LINGO2: variants seen among roughly 807,000 people sequenced by gnomAD.
The protein encoded by LINGO2 is leucine-rich repeat and immunoglobulin-like domain-containing nogo receptor-interacting protein 2.
In LINGO2, 14 loss-of-function variants were observed where a neutral mutation model predicts 30.6. The ratio of observed to expected loss-of-function variants is 0.46; its 90% CI spans 0.30 to 0.72. The LOEUF is 0.72. Among genes scored for constraint, LINGO2 ranks in the 30% least tolerant of loss-of-function variants. The pLI, the probability that LINGO2 is intolerant of heterozygous loss-of-function variation, is 0.07. For missense variants in LINGO2, 729 were observed against 751.7 expected (o/e 0.97, Z 0.35); for synonymous variants, 317 against 288.5 (o/e 1.10, Z -1.00).
intron 4 of LINGO2, among the ~76,000 whole-genome samples, chr9:28,218,276 T>C (rs1283159298): frequency 2.1e-5 from 1 of 47,036 alleles, no homozygotes; most frequent in African/African-American, 5.5e-5. Context: ...AATCTTGAAT[T>C]TCTAATTTTT....
the LINGO2 span, among the ~76,000 whole-genome samples, chr9:29,127,905 A>G: frequency 2.6e-5 from 4 of 152,168 alleles, no homozygotes; most frequent in African/African-American, 9.7e-5. Flanking sequence ...AGAGTTAACC[A>G]TAATGGCAGA....
intron 1 of LINGO2, among the ~76,000 whole-genome samples, chr9:28,525,693 GA>G (rs1369021522): frequency 6.6e-6 from 1 of 152,126 alleles, no homozygotes; most frequent in Non-Finnish European, 1.5e-5. Context: ...GACTTATTTT[GA>G]GATGGTGACA....
chr9:28,588,802 C>G (rs993278637), intron 1 of LINGO2, among the ~76,000 whole-genome samples: 1 of 152,024 alleles, frequency 6.6e-6, no homozygotes, highest in South Asian at 2.1e-4. Flanking sequence ...ACTAGTCAGG[C>G]CATGCAGCAT....
rs149309912 is a variant in LINGO2, at chr9:28,030,282, A to G, written c.-86-17877T>C. Among the ~76,000 whole-genome samples the G allele has an allele frequency of 1.8e-3, 281 of 152,344 alleles. 2 individuals are homozygous for G. The highest frequency in any genetic ancestry group is 0.014 in the Middle Eastern group (4 of 294). ...GTGAGGCCATTTCTGAGATTCTGAG[A>G]TAGCAAAGTATAAAACCAACTGTAT... On this transcript the variant is annotated intron_variant, in intron 4 of 5. Coordinates refer to ENST00000379992, the Ensembl canonical transcript of LINGO2.
Position 28,598,436 on chromosome 9 carries a change from A to AAC in LINGO2, c.-365+71763_-365+71764insGT, listed in dbSNP as rs1554643698. ...TCCATATCAAAAAAAAAAAAAAAAC[A>AAC]AAACAAACAAACAAACAAAAAAAAC... On this transcript the variant is annotated intron_variant, in intron 1 of 5. Transcript: ENST00000379992. Among the ~76,000 whole-genome samples, 239 of 127,996 alleles carry AAC rather than the reference A, an allele frequency of 1.9e-3. 2 individuals carry two copies. Among genetic ancestry groups the AAC allele is most frequent in the African/African-American group, 6.6e-3 (223 of 33,666 alleles). The allele number at this position is 127,996 out of a possible 152,430, so 84.0% of individuals were successfully genotyped here.
At chr9:28,272,995 C>T (rs1822994499) in intron 4 of LINGO2, among the ~76,000 whole-genome samples, 1 of 152,174 alleles carries the variant, frequency 6.6e-6, no homozygotes, top group African/African-American at 2.4e-5. Flanking sequence ...CATTTTGAGT[C>T]ACTTAAATTA....
chr9:28,200,009 A>T (rs1347802331), intron 4 of LINGO2, among the ~76,000 whole-genome samples: 1 of 151,852 alleles, frequency 6.6e-6, no homozygotes, highest in Non-Finnish European at 1.5e-5. Flanking sequence ...AAAAAAAAAA[A>T]AAAAAAGACT....
intron 4 of LINGO2, among the ~76,000 whole-genome samples, chr9:28,096,022 TC>T (rs1826233585): frequency 6.6e-6 from 1 of 152,094 alleles, no homozygotes; most frequent in African/African-American, 2.4e-5. Flanking sequence ...ACACCTATAG[TC>T]CCAGCTACCC....
At chr9:28,131,951 G>T (rs1029866312) in intron 4 of LINGO2, among the ~76,000 whole-genome samples, 3 of 152,116 alleles carry the variant, frequency 2.0e-5, no homozygotes, top group Admixed American at 2.0e-4. Context: ...ACATAGATTT[G>T]GGGGATCAAG....
intron 1 of LINGO2, among the ~76,000 whole-genome samples, chr9:28,539,148 T>A (rs1821568195): frequency 6.6e-6 from 1 of 152,094 alleles, no homozygotes; most frequent in South Asian, 2.1e-4. Flanking sequence ...ATATATTTGA[T>A]AATACTAATG....
At chr9:29,182,613 C>T in the LINGO2 span, among the ~76,000 whole-genome samples, 1 of 151,948 alleles carries the variant, frequency 6.6e-6, no homozygotes, top group Non-Finnish European at 1.5e-5. Context: ...CAAAGGTGGG[C>T]CAACAGATTA....
At chr9:29,002,235 T>A in the LINGO2 span, among the ~76,000 whole-genome samples, 1 of 152,078 alleles carries the variant, frequency 6.6e-6, no homozygotes, top group Non-Finnish European at 1.5e-5. Context: ...TAGTGTCTTT[T>A]AATTTTCTCT....
At chr9:28,636,787 T>A (rs1827299221) in intron 1 of LINGO2, among the ~76,000 whole-genome samples, 1 of 152,168 alleles carries the variant, frequency 6.6e-6, no homozygotes, top group African/African-American at 2.4e-5. Flanking sequence ...TTCACTCTGA[T>A]GTTAGTTTCT....
intron 4 of LINGO2, among the ~76,000 whole-genome samples, chr9:28,068,802 A>G (rs1396020882): frequency 2.0e-5 from 3 of 152,106 alleles, no homozygotes; most frequent in Non-Finnish European, 4.4e-5. Flanking sequence ...CAAATCCAAT[A>G]CTCCATATAC....
chr9:29,020,606 A>T, the LINGO2 span, among the ~76,000 whole-genome samples: 1 of 152,176 alleles, frequency 6.6e-6, no homozygotes, highest in Non-Finnish European at 1.5e-5. Context: ...TGGAAGCAGC[A>T]TTTACCATTA....
At chr9:28,179,657 A>G (rs1037728797) in intron 4 of LINGO2, among the ~76,000 whole-genome samples, 18 of 144,520 alleles carry the variant, frequency 1.2e-4, no homozygotes, top group Non-Finnish European at 1.8e-4. Flanking sequence ...TAGTGTATAT[A>G]TACTATATAT....
At chr9:28,169,013 AG>A (rs1386726289) in intron 4 of LINGO2, among the ~76,000 whole-genome samples, 1 of 152,188 alleles carries the variant, frequency 6.6e-6, no homozygotes, top group Non-Finnish European at 1.5e-5. Context: ...TTTACAAATG[AG>A]CCAAACATCT....
intron 1 of LINGO2, among the ~76,000 whole-genome samples, chr9:28,617,606 T>A (rs1369952109): frequency 6.6e-6 from 1 of 152,182 alleles, no homozygotes. Flanking sequence ...ATAACATTTC[T>A]AATTTATTAT....
At chr9:28,319,245 A>T (rs2134291161) in intron 3 of LINGO2, among the ~76,000 whole-genome samples, 1 of 152,290 alleles carries the variant, frequency 6.6e-6, no homozygotes, top group Middle Eastern at 3.4e-3. Context: ...ACCTTCCGTG[A>T]CTTGTGGCCC....
Sources: gnomAD v4.1 joint callset for allele counts (sites outside exome capture counted in the v4.1 genomes callset) on GRCh38, gnomAD v4.1.1 for gene constraint, MANE v1.5 for transcripts, NCBI Gene and HGNC (gene_info 2026-07-23, HGNC 2026-07-21) for gene names.